Variants in RNF19A observed in about 807,000 individuals in gnomAD.
RNF19A encodes E3 ubiquitin-protein ligase RNF19A.
In RNF19A, 32 loss-of-function variants were observed where a neutral mutation model predicts 75.7. That is an observed-to-expected ratio of 0.42 (90% CI 0.32 to 0.57). The LOEUF is 0.57. RNF19A is among the 20% of genes least tolerant of loss of function. The pLI is 0.10. For missense variants in RNF19A, 782 were observed against 1,036.3 expected, an observed-to-expected ratio of 0.75 and a Z score of 3.37; for synonymous variants, 335 against 345.2, an observed-to-expected ratio of 0.97 and a Z score of 0.33.
At chr8:100,316,017 G>C (rs911725840) in intron 1 of RNF19A, among the ~76,000 whole-genome samples, 1 of 152,212 alleles carries the variant, frequency 6.6e-6, no homozygotes, top group Non-Finnish European at 1.5e-5. Flanking sequence ...CTTGCGGTGA[G>C]TGTTACAGCT....
upstream of RNF19A, among the ~76,000 whole-genome samples, chr8:100,311,717 C>CAA (rs55695585): frequency 1.2e-4 from 11 of 89,914 alleles, no homozygotes; most frequent in East Asian, 2.9e-4. Flanking sequence ...GACTCCGTCT[C>CAA]AAAAAAAAAA....
intron 1 of RNF19A, among the ~76,000 whole-genome samples, chr8:100,288,911 C>A (rs564363779): frequency 7.5e-4 from 114 of 151,924 alleles, no homozygotes; most frequent in Middle Eastern, 6.8e-3. Context: ...ATACAAAAAA[C>A]TAGCCGGGTG....
chr8:100,268,762 C>A (rs750434823), intron 5 of RNF19A, 23 bp downstream of exon 5: 43 of 1,437,392 alleles, frequency 3.0e-5, no homozygotes, highest in Admixed American at 4.3e-5. Flanking sequence ...AGATAATGGA[C>A]TAACAAGAAG....
At position 100,258,115 on chromosome 8, in the gene RNF19A, G is replaced by C. The variant is rs1819538163; in HGVS notation, c.*441C>G. On this transcript the variant is annotated 3_prime_UTR_variant, in exon 10 of 10. Transcript: ENST00000341084. This position sits in a 1 kb window ranked among gnomAD's most constrained non-coding sequence, Gnocchi z 4.3. Reference sequence around the variant, plus strand: ...AATGTTACAGAGTATCATATACTGAGAGTAACCTATGCAGTTCTTTTAAAC... The same window carrying C: ...AATGTTACAGAGTATCATATACTGACAGTAACCTATGCAGTTCTTTTAAAC... 1 of 401,628 alleles carries C rather than the reference G, an allele frequency of 2.5e-6. No individual in the cohort carries two copies. The highest frequency in any genetic ancestry group is 4.4e-6 in the Non-Finnish European group (1 of 227,940). The allele number at this position is 401,628 out of a possible 1,614,324, so 24.9% of individuals were successfully genotyped here. A position where few individuals can be genotyped will look rare whatever the true frequency, so the allele number is the denominator to read the frequency against.
chr8:100,271,839 T>G (rs181704528), intron 3 of RNF19A, among the ~76,000 whole-genome samples: 1 of 152,182 alleles, frequency 6.6e-6, no homozygotes, highest in Admixed American at 6.5e-5. Context: ...AATACCCTCA[T>G]GATGCAAAAA....
At position 100,264,862 on chromosome 8, in the gene RNF19A, A is replaced by G; in HGVS notation, c.1192-77T>C. 1 of 1,107,742 alleles carries G rather than the reference A, an allele frequency of 9.0e-7. No homozygotes were observed. The highest frequency in any genetic ancestry group is 1.4e-6 in the Non-Finnish European group (1 of 736,004). 68.6% of individuals were successfully genotyped at this position (1,107,742 alleles called of 1,614,324 possible). The stretch of plus-strand genomic sequence containing the variant: ...TTTAACTTAGTTGAAAAAGATCTAT[A>G]CTTGCTAAAGTGATTTTTCATAGAA... On this transcript the variant is annotated intron_variant, in intron 5 of 9. Transcript: ENST00000341084. This position sits in a 1 kb window ranked among gnomAD's most constrained non-coding sequence, Gnocchi z 4.7.
rs1444311577 is a variant in RNF19A, at chr8:100,329,658, C to T, written c.-243+6450G>A. 6.6e-6 allele frequency among the ~76,000 whole-genome samples: 1 copy of T among 152,162 alleles called. No individual in the cohort carries two copies. Among genetic ancestry groups the T allele is most frequent in the Non-Finnish European group, 1.5e-5 (1 of 68,016 alleles). On this transcript the variant is annotated intron_variant, in intron 1 of 3. Transcript: ENST00000519527. This position sits in a 1 kb window ranked among gnomAD's most constrained non-coding sequence, Gnocchi z 4.3. Reference sequence around the variant, plus strand: ...ACTAGGTTAAGAGAAGTCTGGAAACCATGTCACCTGATATGTGGTCAAAAG... The same window carrying T: ...ACTAGGTTAAGAGAAGTCTGGAAACTATGTCACCTGATATGTGGTCAAAAG...
intron 1 of RNF19A, among the ~76,000 whole-genome samples, chr8:100,306,719 T>G (rs1371667917): frequency 6.6e-6 from 1 of 152,232 alleles, no homozygotes; most frequent in African/African-American, 2.4e-5. Flanking sequence ...TACAGGTATG[T>G]TCAGCAAGGA....
chr8:100,266,686 T>A (rs1290092887), intron 5 of RNF19A, among the ~76,000 whole-genome samples: 3 of 151,970 alleles, frequency 2.0e-5, no homozygotes, highest in Non-Finnish European at 4.4e-5. Flanking sequence ...GATTATTTAG[T>A]TTTTTGTAGA....
At position 100,275,954 on chromosome 8, in the gene RNF19A, G is replaced by A. The variant is rs145643695; in HGVS notation, c.675-793C>T. Among the ~76,000 whole-genome samples the A allele has an allele frequency of 3.2e-3, 482 of 151,402 alleles. 3 individuals are homozygous for A. Among genetic ancestry groups the A allele is most frequent in the Non-Finnish European group, 4.2e-3 (283 of 67,874 alleles). ...AAGTGGTCTTTGGTGCCAATCTCCT[G>A]CCAAAAAATAAAAAAAAACTGTTTT... On this transcript the variant is annotated intron_variant, in intron 2 of 9. Coordinates refer to ENST00000341084, the MANE Select transcript of RNF19A (RefSeq NM_183419.4). The surrounding 1 kb of genome is among the most constrained non-coding windows in gnomAD (Gnocchi z 4.3).
At position 100,325,055 on chromosome 8, in the gene RNF19A, T is replaced by C. The variant is rs548850156; in HGVS notation, c.-243+11053A>G. 6.6e-6 allele frequency among the ~76,000 whole-genome samples: 1 copy of C among 152,150 alleles called. No individual in the cohort carries two copies. The highest frequency in any genetic ancestry group is 6.5e-5 in the Admixed American group (1 of 15,284). The stretch of plus-strand genomic sequence containing the variant: ...TCGAGTAGCTGGAATTACAGGTGCC[T>C]ACCACCACAACCGGCTAATTTTTTG... On this transcript the variant is annotated intron_variant, in intron 1 of 3. Transcript: ENST00000519527. This position sits in a 1 kb window ranked among gnomAD's most constrained non-coding sequence, Gnocchi z 4.3.
chr8:100,286,899 A>AT (rs1018657212), intron 2 of RNF19A, among the ~76,000 whole-genome samples: 1 of 152,230 alleles, frequency 6.6e-6, no homozygotes, highest in African/African-American at 2.4e-5. Flanking sequence ...AATCAAATAT[A>AT]TAAGCAAAAT....
At chr8:100,319,831 T>C (rs898890948) in intron 1 of RNF19A, among the ~76,000 whole-genome samples, 3 of 129,614 alleles carry the variant, frequency 2.3e-5, no homozygotes, top group Non-Finnish European at 3.3e-5. Context: ...CGTCCAGGCT[T>C]TTTTTTTCTT....
intron 1 of RNF19A, among the ~76,000 whole-genome samples, chr8:100,289,098 A>T (rs1207417318): frequency 6.6e-6 from 1 of 151,850 alleles, no homozygotes; most frequent in East Asian, 1.9e-4. Context: ...TGTATATGAG[A>T]CTTGATTTCT....
At chr8:100,328,703 C>T (rs1299203404) in intron 1 of RNF19A, among the ~76,000 whole-genome samples, 1 of 152,134 alleles carries the variant, frequency 6.6e-6, no homozygotes, top group African/African-American at 2.4e-5. Flanking sequence ...AACTCCTGAC[C>T]TCGTGATTCA....
intron 1 of RNF19A, among the ~76,000 whole-genome samples, chr8:100,301,830 G>A (rs1474809040): frequency 6.6e-6 from 1 of 152,222 alleles, no homozygotes; most frequent in Non-Finnish European, 1.5e-5. Context: ...TGTATGTGTG[G>A]TGTTGATTAC....
In RNF19A at chr8:100,261,186, C is replaced by G. The variant is rs903237810; in HGVS notation, c.1682+356G>C. On this transcript the variant is annotated intron_variant, in intron 8 of 9. Coordinates refer to ENST00000341084, the MANE Select transcript of RNF19A (RefSeq NM_183419.4). The surrounding 1 kb of genome is among the most constrained non-coding windows in gnomAD (Gnocchi z 4.4). ...CTTGGCTGACTGCAGCCTCCAACTC[C>G]CAGGCTCAAGTGATCCTCCTACCTC... Among the ~76,000 whole-genome samples the G allele has an allele frequency of 2.6e-5, 4 of 151,986 alleles. No individual in the cohort carries two copies. Among genetic ancestry groups the G allele is most frequent in the African/African-American group, 9.7e-5 (4 of 41,374 alleles).
At chr8:100,304,929 G>A (rs1349509365) in intron 1 of RNF19A, among the ~76,000 whole-genome samples, 1 of 152,132 alleles carries the variant, frequency 6.6e-6, no homozygotes, top group African/African-American at 2.4e-5. Context: ...AAAAGATGAT[G>A]AATATCCTTC....
intron 2 of RNF19A, among the ~76,000 whole-genome samples, chr8:100,283,599 CAA>C (rs2129866390): frequency 6.6e-6 from 1 of 152,242 alleles, no homozygotes; most frequent in Non-Finnish European, 1.5e-5. Context: ...TCAGAAACCC[CAA>C]GAGATCTTAA....
Sources: allele counts gnomAD v4.1 joint callset (sites outside exome capture counted in the v4.1 genomes callset), GRCh38; gene constraint gnomAD v4.1.1; non-coding constraint Gnocchi (gnomAD v3.1); transcripts MANE v1.5; gene names NCBI Gene and HGNC (gene_info 2026-07-23, HGNC 2026-07-21).